The following TEAD1 variants were observed in gnomAD, a reference collection of about 807,000 sequenced individuals.
The protein encoded by TEAD1 is TEA domain transcription factor 1, also known as transcriptional enhancer factor TEF-1.
A neutral mutation model predicts 54.9 loss-of-function variants in TEAD1; 9 were observed. The ratio of observed to expected loss-of-function variants is 0.16; its 90% CI spans 0.10 to 0.29. The LOEUF (loss-of-function observed/expected upper bound fraction) is 0.29. Among genes scored for constraint, TEAD1 ranks in the 10% least tolerant of loss-of-function variants. TEAD1 has a pLI of 1.00. For missense variants in TEAD1, 387 were observed against 535.9 expected (o/e 0.72, Z 2.74); for synonymous variants, 200 against 187.8 (o/e 1.07, Z -0.53).
intron 2 of TEAD1, among the ~76,000 whole-genome samples, chr11:12,715,263 C>T (rs1944031606): frequency 1.3e-5 from 2 of 152,116 alleles, no homozygotes; most frequent in South Asian, 4.2e-4. Context: ...TCACCAGAGA[C>T]AAAACCCAGG....
rs184366701 is a variant in TEAD1, at chr11:12,863,867, C to T, written c.268-971C>T. 2.2e-4 allele frequency among the ~76,000 whole-genome samples: 33 copies of T among 152,226 alleles called. No homozygotes were observed. In the East Asian group the frequency reaches 2.7e-3, roughly 12 times the overall value. On this transcript the variant is annotated intron_variant, in intron 4 of 12. Transcript: ENST00000527636. ...GGCTACATTTCCACGCCCCGGCATCCTGGGGATGTTTTTAGGCAGCAGTTG... is the reference window on the plus strand; with the variant it reads ...GGCTACATTTCCACGCCCCGGCATCTTGGGGATGTTTTTAGGCAGCAGTTG...
chr11:12,773,041 TG>T (rs1010566387), intron 3 of TEAD1, among the ~76,000 whole-genome samples: 2 of 152,230 alleles, frequency 1.3e-5, no homozygotes, highest in Admixed American at 6.5e-5. Context: ...ATGAACCTTT[TG>T]GGATTGGCTT....
At chr11:12,902,228 C>T (rs1285555129) in intron 10 of TEAD1, 115 bp downstream of exon 10, 4 of 1,395,182 alleles carry the variant, frequency 2.9e-6, no homozygotes, top group East Asian at 4.6e-5. Flanking sequence ...CCTTCATGTG[C>T]TTCTGCACAA....
intron 2 of TEAD1, among the ~76,000 whole-genome samples, chr11:12,758,585 T>C (rs1384198064): frequency 6.6e-6 from 1 of 151,986 alleles, no homozygotes; most frequent in African/African-American, 2.4e-5. Flanking sequence ...TAATTTTGTT[T>C]TTGTGTTTTT....
chr11:12,775,624 C>G (rs1261389036), intron 3 of TEAD1, among the ~76,000 whole-genome samples: 11 of 152,118 alleles, frequency 7.2e-5, no homozygotes, highest in Admixed American at 7.2e-4. Flanking sequence ...ACTAAAGGTG[C>G]TATTTTAGAG....
chr11:12,874,819 G>T (rs920061320), intron 5 of TEAD1, among the ~76,000 whole-genome samples: 1 of 152,040 alleles, frequency 6.6e-6, no homozygotes, highest in Non-Finnish European at 1.5e-5. Context: ...CTTGGGTTGG[G>T]GTTCAGTTGG....
chr11:12,721,343 G>A (rs1252488651), intron 2 of TEAD1, among the ~76,000 whole-genome samples: 5 of 152,122 alleles, frequency 3.3e-5, no homozygotes, highest in Non-Finnish European at 5.9e-5. Flanking sequence ...TCTTGCGAGT[G>A]CCTACTGTTC....
intron 10 of TEAD1, among the ~76,000 whole-genome samples, chr11:12,902,473 G>T (rs1482156088): frequency 6.6e-6 from 1 of 152,234 alleles, no homozygotes; most frequent in Non-Finnish European, 1.5e-5. Context: ...TACTTCATTT[G>T]TGCTTTAAAA....
At chr11:12,903,959 G>A (rs115293177) in intron 10 of TEAD1, among the ~76,000 whole-genome samples, 2,513 of 152,280 alleles carry the variant, frequency 0.017, 60 homozygotes, top group African/African-American at 0.057. Context: ...AATTTGGATG[G>A]TGGTTGGAGA....
At chr11:12,712,079 T>C (rs775787089) in intron 2 of TEAD1, among the ~76,000 whole-genome samples, 6 of 152,298 alleles carry the variant, frequency 3.9e-5, no homozygotes, top group South Asian at 4.2e-4. Context: ...TTTGCATCTT[T>C]TGAGGGACAT....
At chr11:12,825,636 T>C (rs540127318) in intron 3 of TEAD1, among the ~76,000 whole-genome samples, 3 of 152,192 alleles carry the variant, frequency 2.0e-5, no homozygotes, top group South Asian at 4.2e-4. Flanking sequence ...TGCATCTTTT[T>C]AAAAAAAATT....
At chr11:12,730,536 A>G (rs1007237609) in intron 2 of TEAD1, among the ~76,000 whole-genome samples, 4 of 150,318 alleles carry the variant, frequency 2.7e-5, no homozygotes, top group African/African-American at 9.8e-5. Flanking sequence ...TATGAGAGAA[A>G]TAGAGGTGTT....
At chr11:12,810,562 A>T (rs1430216761) in intron 3 of TEAD1, among the ~76,000 whole-genome samples, 1 of 152,026 alleles carries the variant, frequency 6.6e-6, no homozygotes, top group African/African-American at 2.4e-5. Flanking sequence ...TTCCCACCTT[A>T]GTCTTCGGAG....
chr11:12,750,230 A>G (rs1341864828), intron 2 of TEAD1, among the ~76,000 whole-genome samples: 1 of 152,150 alleles, frequency 6.6e-6, no homozygotes, highest in Non-Finnish European at 1.5e-5. Context: ...GTTGGGCTCG[A>G]GTGTGACCCT....
intron 10 of TEAD1, among the ~76,000 whole-genome samples, chr11:12,914,809 G>T (rs750876658): frequency 6.6e-6 from 1 of 152,244 alleles, no homozygotes; most frequent in Non-Finnish European, 1.5e-5. Context: ...ATGCCGCACT[G>T]CGTGCCCTGC....
intron 3 of TEAD1, among the ~76,000 whole-genome samples, chr11:12,812,246 T>G (rs528259880): frequency 6.6e-6 from 1 of 152,276 alleles, no homozygotes; most frequent in African/African-American, 2.4e-5. Flanking sequence ...CCACCACTTA[T>G]TCAGTGATGG....
At chr11:12,748,099 C>T (rs371328411) in intron 2 of TEAD1, among the ~76,000 whole-genome samples, 25 of 151,994 alleles carry the variant, frequency 1.6e-4, no homozygotes, top group African/African-American at 6.0e-4. Context: ...GTAGCTGGGA[C>T]TACAGGCACC....
chr11:12,824,053 T>C (rs73425628), intron 3 of TEAD1, among the ~76,000 whole-genome samples: 6,903 of 152,240 alleles, frequency 0.045, 564 homozygotes, highest in African/African-American at 0.16. Flanking sequence ...ATATGAACTC[T>C]AGTTCTGTCT....
intron 9 of TEAD1, among the ~76,000 whole-genome samples, chr11:12,896,382 C>T (rs1282617738): frequency 1.3e-5 from 2 of 152,128 alleles, no homozygotes; most frequent in Admixed American, 6.5e-5. Flanking sequence ...CTTTTTAAAA[C>T]GTATTCCATC....
Sources: gnomAD v4.1 joint callset for allele counts (sites outside exome capture counted in the v4.1 genomes callset) on GRCh38, gnomAD v4.1.1 for gene constraint, MANE v1.5 for transcripts, NCBI Gene and HGNC (gene_info 2026-07-23, HGNC 2026-07-21) for gene names.